TBX4: variants seen among roughly 807,000 people sequenced by gnomAD.
The protein encoded by TBX4 is T-box transcription factor 4.
In TBX4, 13 loss-of-function variants were observed where a neutral mutation model predicts 54.6. The ratio of observed to expected loss-of-function variants is 0.24; its 90% CI spans 0.15 to 0.38. The LOEUF is 0.38. Ranked by LOEUF, TBX4 falls within the 10% of genes least tolerant of loss-of-function variation. The pLI is 1.00. For synonymous variants in TBX4, 314 were observed against 306.7 expected (o/e 1.02, Z -0.25); for missense variants, 631 against 728.5 (o/e 0.87, Z 1.54).
chr17:61,483,168 C>T lies in TBX4; in HGVS notation c.1293C>T (p.Ser431=), dbSNP rs1369041047. ...CAGTGTCGCCGTACACCAGCTATAG[C>T]GTGCAGACGATGGAGACTGTGCCGT... The part of the protein sequence containing the change: ...WTSVSPYTSY[S]VQTMETVPYQ... Residue 431 remains serine (S), a synonymous_variant, in exon 9 of 9, where the codon AGC becomes AGT. Coordinates refer to ENST00000644296, the MANE Select transcript of TBX4 (RefSeq NM_001321120.2). This position sits in a 1 kb window ranked among gnomAD's most constrained non-coding sequence, Gnocchi z 6.6. 22 of 1,614,168 alleles carry T rather than the reference C, an allele frequency of 1.4e-5. No homozygotes were observed. The highest frequency in any genetic ancestry group is 2.2e-5 in the East Asian group (1 of 44,868).
At position 61,476,365 on chromosome 17, in the gene TBX4, C is replaced by T. The variant is rs145253038; in HGVS notation, c.550-2262C>T. ...AAGATCGAGACAGCAGAGGGACCTG[C>T]ATGTGCAAAGGTGCACAGGTAGGAA... is the stretch of plus-strand genomic sequence containing the variant. On this transcript the variant is annotated intron_variant, in intron 5 of 8. Transcript: ENST00000644296. The surrounding 1 kb of genome is among the most constrained non-coding windows in gnomAD (Gnocchi z 6.5). Among the ~76,000 whole-genome samples, 1 of 152,352 alleles carries T rather than the reference C, an allele frequency of 6.6e-6. No homozygotes were observed. Among genetic ancestry groups the T allele is most frequent in the Non-Finnish European group, 1.5e-5 (1 of 68,026 alleles).
rs2060526777 is a variant in TBX4, at chr17:61,465,278, C to T, written c.282-541C>T. Among the ~76,000 whole-genome samples, 1 of 152,198 alleles carries T rather than the reference C, an allele frequency of 6.6e-6. No homozygotes were observed. The highest frequency in any genetic ancestry group is 2.1e-4 in the South Asian group (1 of 4,834). ...GTTTTGGACAGCAGTCTCCTGTTTT[C>T]CTGCAAGCTGGTTTTAGGCCTAAGG... is the stretch of plus-strand genomic sequence containing the variant. On this transcript the variant is annotated intron_variant, in intron 3 of 8. Transcript: ENST00000644296. The surrounding 1 kb of genome is among the most constrained non-coding windows in gnomAD (Gnocchi z 4.9).
rs1036159579 is a variant in TBX4, at chr17:61,461,570, C to T, written c.281+3939C>T. Reference sequence around the variant, plus strand: ...GCTCCAAGGCGCCTGTGTATGTGTACACACATATATAATTTTTAACCTAAA... The same window carrying T: ...GCTCCAAGGCGCCTGTGTATGTGTATACACATATATAATTTTTAACCTAAA... On this transcript the variant is annotated intron_variant, in intron 3 of 8. Transcript: ENST00000644296. The surrounding 1 kb of genome is among the most constrained non-coding windows in gnomAD (Gnocchi z 5.1). 3.3e-5 allele frequency among the ~76,000 whole-genome samples: 5 copies of T among 152,152 alleles called. No homozygotes were observed.
In TBX4 at chr17:61,479,368, G is replaced by T. The variant is rs572636345; in HGVS notation, c.703-513G>T. 1.3e-5 allele frequency among the ~76,000 whole-genome samples: 2 copies of T among 152,338 alleles called. No homozygotes were observed. Among genetic ancestry groups the T allele is most frequent in the East Asian group, 3.9e-4 (2 of 5,184 alleles). ...ATGCACACAGGGACTGGCAAGGTGG[G>T]CAGGGGTCACTGGGGAAGGGCCGTG... On this transcript the variant is annotated intron_variant, in intron 6 of 8. Coordinates refer to ENST00000644296, the MANE Select transcript of TBX4 (RefSeq NM_001321120.2). This position sits in a 1 kb window ranked among gnomAD's most constrained non-coding sequence, Gnocchi z 6.1.
rs1305931118 is a variant in TBX4, at chr17:61,480,083, C to G, written c.792-7C>G. ...TGTCTCTCCTCCTGTCCTCCCCACC[C>G]CTTCAGCAAAGAATACCCCGTGATT... On this transcript the variant is annotated splice_region_variant and splice_polypyrimidine_tract_variant and intron_variant, in intron 7 of 8. Coordinates refer to ENST00000644296, the MANE Select transcript of TBX4 (RefSeq NM_001321120.2). The surrounding 1 kb of genome is among the most constrained non-coding windows in gnomAD (Gnocchi z 6.2). 2 of 1,613,632 alleles carry G rather than the reference C, an allele frequency of 1.2e-6. No homozygotes were observed. Among genetic ancestry groups the G allele is most frequent in the Non-Finnish European group, 1.7e-6 (2 of 1,179,712 alleles).
At position 61,474,543 on chromosome 17, in the gene TBX4, T is replaced by G. The variant is rs1198839427; in HGVS notation, c.550-4084T>G. ...CCAATGTAGATAGATCTGGGCTTTA[T>G]TGGCCAAGCACGCTATGGCGATCTC... On this transcript the variant is annotated intron_variant, in intron 5 of 8. Coordinates refer to ENST00000644296, the MANE Select transcript of TBX4 (RefSeq NM_001321120.2). The surrounding 1 kb of genome is among the most constrained non-coding windows in gnomAD (Gnocchi z 4.6). Among the ~76,000 whole-genome samples the G allele has an allele frequency of 6.6e-6, 1 of 152,264 alleles. No homozygotes were observed. The highest frequency in any genetic ancestry group is 1.5e-5 in the Non-Finnish European group (1 of 68,040).
chr17:61,478,721 G>T lies in TBX4; in HGVS notation c.644G>T (p.Cys215Phe). 3 of 1,614,174 alleles carry T rather than the reference G, an allele frequency of 1.9e-6. No homozygotes were observed. Among genetic ancestry groups the T allele is most frequent in the Non-Finnish European group, 2.5e-6 (3 of 1,180,044 alleles). The part of the protein sequence containing the change: ...NAFGSKNTAF[C>F]THVFPETSFI... ...TTCGGCTCCAAAAACACTGCTTTCT[G>T]CACCCACGTGTTCCCAGAGACCTCC... The change falls in exon 6 of 9, where the codon TGC (cysteine) becomes TTC (phenylalanine). Residue 215 changes from cysteine (C) to phenylalanine (F), a missense_variant. Cys to Phe is a radical substitution (Grantham distance 205). Transcript: ENST00000644296. This position sits in a 1 kb window ranked among gnomAD's most constrained non-coding sequence, Gnocchi z 7.4.
Position 61,457,706 on chromosome 17 carries a change from T to A in TBX4, c.281+75T>A. 1 of 1,430,082 alleles carries A rather than the reference T, an allele frequency of 7.0e-7. No individual in the cohort carries two copies. The highest frequency in any genetic ancestry group is 9.8e-7 in the Non-Finnish European group (1 of 1,024,034). 88.6% of individuals were successfully genotyped at this position (1,430,082 alleles called of 1,614,324 possible). On this transcript the variant is annotated intron_variant, in intron 3 of 8. Transcript: ENST00000644296. The surrounding 1 kb of genome is among the most constrained non-coding windows in gnomAD (Gnocchi z 8.2). ...GGCCAGGGAGGTCCCTTAGAAGTCC[T>A]CTCGGCCCCGGCCTGGTGGCCTGTG...
chr17:61,471,892 ATTTT>A (rs35198276), intron 5 of TBX4, among the ~76,000 whole-genome samples: 48 of 72,938 alleles, frequency 6.6e-4, no homozygotes, highest in African/African-American at 2.4e-3. Context: ...TGCCCAGCTA[ATTTT>A]TTTTTTTTTT....
chr17:61,464,807 G>A lies in TBX4; in HGVS notation c.282-1012G>A, dbSNP rs116344747. Among the ~76,000 whole-genome samples, 1,371 of 152,210 alleles carry A rather than the reference G, an allele frequency of 9.0e-3. 23 individuals carry two copies. Among genetic ancestry groups the A allele is most frequent in the African/African-American group, 0.031 (1,274 of 41,532 alleles). The stretch of plus-strand genomic sequence containing the variant: ...TGTGCGTATGTGCTGAGGGGTGTGC[G>A]GAAGCCCCCTCTAGAATGTGCCTCG... On this transcript the variant is annotated intron_variant, in intron 3 of 8. Coordinates refer to ENST00000644296, the MANE Select transcript of TBX4 (RefSeq NM_001321120.2). The surrounding 1 kb of genome is among the most constrained non-coding windows in gnomAD (Gnocchi z 5.8).
At chr17:61,471,239 A>G (rs2060575717) in intron 5 of TBX4, among the ~76,000 whole-genome samples, 1 of 152,066 alleles carries the variant, frequency 6.6e-6, no homozygotes, top group Non-Finnish European at 1.5e-5. Flanking sequence ...CTAGGTAGCT[A>G]CTCCTGAGCT....
rs769306126 is a variant in TBX4, at chr17:61,472,636, C to A, written c.549+4979C>A. Among the ~76,000 whole-genome samples, 1 of 152,140 alleles carries A rather than the reference C, an allele frequency of 6.6e-6. No individual in the cohort carries two copies. Among genetic ancestry groups the A allele is most frequent in the African/African-American group, 2.4e-5 (1 of 41,432 alleles). ...TTTGATTGAATTGACCAGTCTTTTCCTTATAGATTTTGGATTTTGAGTTAT... is the reference window on the plus strand; with the variant it reads ...TTTGATTGAATTGACCAGTCTTTTCATTATAGATTTTGGATTTTGAGTTAT... On this transcript the variant is annotated intron_variant, in intron 5 of 8. Transcript: ENST00000644296. This position sits in a 1 kb window ranked among gnomAD's most constrained non-coding sequence, Gnocchi z 4.5.
At position 61,478,438 on chromosome 17, in the gene TBX4, G is replaced by A. The variant is rs1273709507; in HGVS notation, c.550-189G>A. 2 of 690,094 alleles carry A rather than the reference G, an allele frequency of 2.9e-6. No homozygotes were observed. The highest frequency in any genetic ancestry group is 3.5e-5 in the South Asian group (2 of 56,700). 42.7% of individuals were successfully genotyped at this position (690,094 alleles called of 1,614,324 possible). A position where few individuals can be genotyped will look rare whatever the true frequency, so the allele number is the denominator to read the frequency against. On this transcript the variant is annotated intron_variant, in intron 5 of 8. Transcript: ENST00000644296. The surrounding 1 kb of genome is among the most constrained non-coding windows in gnomAD (Gnocchi z 7.4). ...TGGTGCAGAGAGGCTAAGTAGGGCTGGGGTGGGGAGAGTTTGGGGCCCAGG... is the reference window on the plus strand; with the variant it reads ...TGGTGCAGAGAGGCTAAGTAGGGCTAGGGTGGGGAGAGTTTGGGGCCCAGG...
chr17:61,469,808 C>G (rs903950329), intron 5 of TBX4, among the ~76,000 whole-genome samples: 2 of 152,206 alleles, frequency 1.3e-5, no homozygotes, highest in African/African-American at 4.8e-5. Context: ...GGCCCGTGCC[C>G]GTGGGAGTGG....
rs1325406179 is a variant in TBX4 at position 61,479,176 on chromosome 17, G to A, written c.702+397G>A. The stretch of plus-strand genomic sequence containing the variant: ...ATGGGGATAGGAGCCCTGGGGTGCT[G>A]TCAGCTGGGGTGTGGAAGCAGAGCC... On this transcript the variant is annotated intron_variant, in intron 6 of 8. Transcript: ENST00000644296. The surrounding 1 kb of genome is among the most constrained non-coding windows in gnomAD (Gnocchi z 6.1). Among the ~76,000 whole-genome samples the A allele has an allele frequency of 6.6e-6, 1 of 152,146 alleles. No individual in the cohort carries two copies. The highest frequency in any genetic ancestry group is 2.4e-5 in the African/African-American group (1 of 41,432).
Position 61,476,676 on chromosome 17 carries a change from C to G in TBX4, c.550-1951C>G, listed in dbSNP as rs551218955. The stretch of plus-strand genomic sequence containing the variant: ...AGGCCCCCAGTCGGGCAGCAGGTCC[C>G]CAGCTGCAGGACCTGGTTTGGGGTT... On this transcript the variant is annotated intron_variant, in intron 5 of 8. Transcript: ENST00000644296. This position sits in a 1 kb window ranked among gnomAD's most constrained non-coding sequence, Gnocchi z 6.5. Among the ~76,000 whole-genome samples, 6 of 152,346 alleles carry G rather than the reference C, an allele frequency of 3.9e-5. No individual in the cohort carries two copies. The East Asian group carries it at 5.8e-4, about 15-fold the overall frequency.
Position 61,465,903 on chromosome 17 carries a change from C to T in TBX4, c.366C>T (p.Ala122=), listed in dbSNP as rs199796272. The change falls in exon 4 of 9, where the codon GCC becomes GCT. Residue 122 remains alanine, a synonymous_variant. Transcript: ENST00000644296. The surrounding 1 kb of genome is among the most constrained non-coding windows in gnomAD (Gnocchi z 4.9). ...TCCTGCTGATTGACATTGTCCCTGC[C>T]GATGACCATCGCTACAAGTTCTGTG... ...KYILLIDIVP[A]DDHRYKFCDN... The T allele has an allele frequency of 7.7e-5, 125 of 1,614,114 alleles. No individual in the cohort carries two copies. Among genetic ancestry groups the T allele is most frequent in the Admixed American group, 1.0e-4 (6 of 60,026 alleles).
chr17:61,482,275 C>A (rs2060668267), intron 8 of TBX4, among the ~76,000 whole-genome samples: 1 of 152,204 alleles, frequency 6.6e-6, no homozygotes, highest in Non-Finnish European at 1.5e-5. Context: ...TCACCTTTTT[C>A]ACTTATTATC....
At position 61,465,913 on chromosome 17, in the gene TBX4, C is replaced by T. The variant is rs762743351; in HGVS notation, c.376C>T (p.Arg126Cys). The change falls in exon 4 of 9, where the codon CGC becomes TGC. Residue 126 changes from arginine (R) to cysteine (C), a missense_variant. By Grantham distance (180) the Arg-to-Cys change is radical (BLOSUM62 -3). Transcript: ENST00000644296. This position sits in a 1 kb window ranked among gnomAD's most constrained non-coding sequence, Gnocchi z 4.9. ...LIDIVPADDH[R>C]YKFCDNKWMV... ...TGACATTGTCCCTGCCGATGACCATCGCTACAAGTTCTGTGACAACAAATG... is the reference window on the plus strand; with the variant it reads ...TGACATTGTCCCTGCCGATGACCATTGCTACAAGTTCTGTGACAACAAATG... 6 of 1,614,094 alleles carry T rather than the reference C, an allele frequency of 3.7e-6. No individual in the cohort carries two copies. The highest frequency in any genetic ancestry group is 4.2e-6 in the Non-Finnish European group (5 of 1,179,972).
Sources: gnomAD v4.1 joint callset for allele counts (sites outside exome capture counted in the v4.1 genomes callset) on GRCh38, gnomAD v4.1.1 for gene constraint, Gnocchi (gnomAD v3.1) non-coding constraint, MANE v1.5 for transcripts, NCBI Gene and HGNC (gene_info 2026-07-23, HGNC 2026-07-21) for gene names.